Variants in PTPRN2 observed in about 807,000 individuals in gnomAD.
PTPRN2 encodes receptor-type tyrosine-protein phosphatase N2.
In PTPRN2, 74 loss-of-function variants were observed where a neutral mutation model predicts 118.8. The observed-to-expected ratio is 0.62, with a 90% confidence interval of 0.52 to 0.76. The LOEUF is 0.76. PTPRN2 is among the 30% of genes least tolerant of loss of function. PTPRN2 has a pLI of 0.00. For missense variants in PTPRN2, 1,481 were observed against 1,394.4 expected (o/e 1.06, Z -0.99); for synonymous variants, 641 against 608.0 (o/e 1.05, Z -0.80).
chr7:158,360,084 TCACCCAGGATGACGCACAGACC>T (rs1808755590), intron 2 of PTPRN2, among the ~76,000 whole-genome samples: 2 of 87,192 alleles, frequency 2.3e-5, no homozygotes, highest in African/African-American at 8.6e-5. Flanking sequence ...ACATCCACCC[TCACCCAGGATGACGCACAGACC>T]CCACATCCAC....
intron 2 of PTPRN2, among the ~76,000 whole-genome samples, chr7:158,407,670 G>A (rs1323735526): frequency 2.2e-5 from 3 of 135,770 alleles, no homozygotes; most frequent in African/African-American, 5.6e-5. Context: ...TGCGTCCTGC[G>A]TCCTGGGTCC....
intron 3 of PTPRN2, among the ~76,000 whole-genome samples, chr7:158,226,847 G>A (rs1324852442): frequency 6.6e-6 from 1 of 151,938 alleles, no homozygotes; most frequent in East Asian, 1.9e-4. Flanking sequence ...TAAAATTTCT[G>A]GCTGCAACAC....
At chr7:157,542,832 C>T (rs953946316) in intron 22 of PTPRN2, among the ~76,000 whole-genome samples, 9 of 152,210 alleles carry the variant, frequency 5.9e-5, no homozygotes, top group Non-Finnish European at 1.3e-4. Context: ...GCCCTGTGGG[C>T]GTCGGCTGGC....
chr7:158,268,749 C>T lies in PTPRN2; in HGVS notation c.277+48070G>A, dbSNP rs1313004249. Among the ~76,000 whole-genome samples the T allele has an allele frequency of 5.7e-5, 8 of 139,666 alleles. No individual in the cohort carries two copies. The South Asian group carries it at 9.6e-4, about 17-fold the overall frequency. The allele number at this position is 139,666 out of a possible 152,430, so 91.6% of individuals were successfully genotyped here. A position where few individuals can be genotyped will look rare whatever the true frequency, so the allele number is the denominator to read the frequency against. On this transcript the variant is annotated intron_variant, in intron 3 of 22. Transcript: ENST00000389418. ...AGGGTGTGAAATATCCCAGCCCAGC[C>T]GCACACAGGGCGGGTGTGAAATATC... is the stretch of plus-strand genomic sequence containing the variant.
chr7:158,212,185 G>A (rs1011884818), intron 3 of PTPRN2, among the ~76,000 whole-genome samples: 1 of 151,986 alleles, frequency 6.6e-6, no homozygotes, highest in Non-Finnish European at 1.5e-5. Context: ...CTTATAGAGA[G>A]TAGAACAACA....
intron 2 of PTPRN2, among the ~76,000 whole-genome samples, chr7:158,334,672 G>A (rs1351159066): frequency 4.0e-5 from 3 of 74,976 alleles, no homozygotes; most frequent in Non-Finnish European, 8.6e-5. Flanking sequence ...ACCTGCAGAC[G>A]TCACTCACAC....
At chr7:158,206,532 T>TGTCACCCGTCA (rs1381464259) in intron 3 of PTPRN2, among the ~76,000 whole-genome samples, 2 of 151,930 alleles carry the variant, frequency 1.3e-5, no homozygotes, top group Non-Finnish European at 2.9e-5. Context: ...GAGGTGCTTG[T>TGTCACCCGTCA]GTCACCCGTC....
intron 2 of PTPRN2, among the ~76,000 whole-genome samples, chr7:158,423,052 T>A (rs1255490531): frequency 6.6e-6 from 1 of 152,200 alleles, no homozygotes; most frequent in Non-Finnish European, 1.5e-5. Flanking sequence ...AGGTGTTCCA[T>A]CCCTGCTACT....
chr7:158,569,394 C>A (rs1827840853), intron 1 of PTPRN2, among the ~76,000 whole-genome samples: 1 of 152,228 alleles, frequency 6.6e-6, no homozygotes, highest in African/African-American at 2.4e-5. Flanking sequence ...CCTCACAGGA[C>A]GAGGGCCAGA....
chr7:158,558,918 G>T (rs1012948009), intron 1 of PTPRN2, among the ~76,000 whole-genome samples: 2 of 152,120 alleles, frequency 1.3e-5, no homozygotes, highest in African/African-American at 4.8e-5. Context: ...CTGACCAGGG[G>T]TTAATTATGA....
chr7:158,341,532 A>G (rs377656787), intron 2 of PTPRN2, among the ~76,000 whole-genome samples: 4 of 102,150 alleles, frequency 3.9e-5, no homozygotes, highest in Admixed American at 1.0e-4. Context: ...CACTCTCACC[A>G]TAAGAGGTGA....
intron 13 of PTPRN2, among the ~76,000 whole-genome samples, chr7:157,672,392 A>G (rs1796460889): frequency 6.6e-6 from 1 of 152,234 alleles, no homozygotes; most frequent in African/African-American, 2.4e-5. Context: ...GGATGGGGAC[A>G]GAAATAATTC....
chr7:157,584,957 C>A (rs1249931973), intron 17 of PTPRN2, among the ~76,000 whole-genome samples: 1 of 152,230 alleles, frequency 6.6e-6, no homozygotes, highest in African/African-American at 2.4e-5. Flanking sequence ...ACAGCACGCA[C>A]ATTTGGACAC....
chr7:158,446,882 G>A (rs573832499), intron 2 of PTPRN2, among the ~76,000 whole-genome samples: 42 of 152,342 alleles, frequency 2.8e-4, no homozygotes, highest in Non-Finnish European at 4.9e-4. Context: ...GTGGACTGAA[G>A]GCGGCCGGCC....
intron 12 of PTPRN2, among the ~76,000 whole-genome samples, chr7:157,792,453 C>T (rs1181699306): frequency 6.6e-6 from 1 of 152,220 alleles, no homozygotes; most frequent in Non-Finnish European, 1.5e-5. Context: ...CCAGGGAGCT[C>T]AGCCGAGGTC....
intron 1 of PTPRN2, among the ~76,000 whole-genome samples, chr7:158,557,357 A>ATGCAGGTCAGGCGGCTCCCG (rs1563432182): frequency 3.0e-5 from 4 of 134,418 alleles, no homozygotes; most frequent in African/African-American, 1.1e-4. Context: ...GACGGCTCCC[A>ATGCAGGTCAGGCGGCTCCCG]CGCAGGTCAG....
chr7:157,975,770 T>C (rs1255608977), intron 11 of PTPRN2, among the ~76,000 whole-genome samples: 1 of 151,980 alleles, frequency 6.6e-6, no homozygotes, highest in African/African-American at 2.4e-5. Context: ...TTTTTTTCCA[T>C]TGCATGTCCT....
intron 10 of PTPRN2, among the ~76,000 whole-genome samples, chr7:158,087,284 T>A (rs2128938634): frequency 6.6e-6 from 1 of 152,326 alleles, no homozygotes; most frequent in African/African-American, 2.4e-5. Context: ...ACGTGGTTGA[T>A]ACAAGGGAGG....
intron 11 of PTPRN2, among the ~76,000 whole-genome samples, chr7:157,937,700 GC>G (rs1799805310): frequency 6.6e-6 from 1 of 152,236 alleles, no homozygotes; most frequent in Non-Finnish European, 1.5e-5. Context: ...TTTGGCTTGA[GC>G]CGGGGCCTGG....
Sources: allele counts gnomAD v4.1 joint callset (sites outside exome capture counted in the v4.1 genomes callset), GRCh38; gene constraint gnomAD v4.1.1; transcripts MANE v1.5; gene names NCBI Gene and HGNC (gene_info 2026-07-23, HGNC 2026-07-21).